Variants in PLA2G10 observed in about 807,000 individuals in gnomAD.
PLA2G10 encodes phospholipase A2 group X, also known as group 10 secretory phospholipase A2.
PLA2G10 carries 9 observed loss-of-function variants against 7.9 expected under a neutral mutation model. The observed-to-expected ratio is 1.14, with a 90% CI of 0.68 to 1.98. The LOEUF is 1.98. Among genes scored for constraint, PLA2G10 ranks in the 30% most tolerant of loss-of-function variants. The pLI is 0.00. For synonymous variants in PLA2G10, 19 were observed against 27.5 expected, an observed-to-expected ratio of 0.69 and a Z score of 0.97; for missense variants, 53 against 65.4, an observed-to-expected ratio of 0.81 and a Z score of 0.66.
At chr16:14,682,319 G>A (rs1420346243) in intron 3 of PLA2G10, among the ~76,000 whole-genome samples, 4 of 152,182 alleles carry the variant, frequency 2.6e-5, no homozygotes, top group Admixed American at 6.6e-5. Context: ...GCGGTGGCTC[G>A]TGCCTGTAAT....
At chr16:14,674,071 C>A (rs1271559411) in intron 3 of PLA2G10, among the ~76,000 whole-genome samples, 1 of 151,806 alleles carries the variant, frequency 6.6e-6, no homozygotes, top group Non-Finnish European at 1.5e-5. Context: ...TGCTATACAT[C>A]AATAAGGACT....
At chr16:14,693,309 CTGTGTGTGTGTGTGTGTGTG>C (rs1177221583) in intron 1 of PLA2G10, among the ~76,000 whole-genome samples, 1 of 24,250 alleles carries the variant, frequency 4.1e-5, no homozygotes, top group African/African-American at 1.4e-4. Context: ...CTGTGCTGCT[CTGTGTGTGTGTGTGTGTGTG>C]TGTGTGTGTG....
intron 3 of PLA2G10, among the ~76,000 whole-genome samples, chr16:14,674,896 G>A (rs765944192): frequency 2.2e-4 from 33 of 152,284 alleles, no homozygotes; most frequent in Non-Finnish European, 4.1e-4. Flanking sequence ...TCAAGGCCAG[G>A]CGTAGTGGCT....
At chr16:14,683,886 A>G (rs1047007450) in intron 3 of PLA2G10, among the ~76,000 whole-genome samples, 2 of 152,174 alleles carry the variant, frequency 1.3e-5, no homozygotes, top group Admixed American at 1.3e-4. Context: ...AACTTACATA[A>G]TGGGAGAAAA....
intron 3 of PLA2G10, among the ~76,000 whole-genome samples, chr16:14,678,386 C>T (rs1004005705): frequency 1.3e-5 from 2 of 152,204 alleles, no homozygotes; most frequent in African/African-American, 4.8e-5. Flanking sequence ...CTCTCCAAGA[C>T]CACTGCAACA....
At chr16:14,687,328 A>ATT (rs201336845) in intron 3 of PLA2G10, among the ~76,000 whole-genome samples, 29 of 136,328 alleles carry the variant, frequency 2.1e-4, no homozygotes, top group Admixed American at 3.0e-4. Context: ...GTTAGGTAAA[A>ATT]TTTTTTTTTT....
intron 3 of PLA2G10, among the ~76,000 whole-genome samples, chr16:14,675,368 T>G: frequency 6.6e-6 from 1 of 151,936 alleles, no homozygotes; most frequent in East Asian, 1.9e-4. Context: ...ACCATAAGAA[T>G]TCTAGAAGAA....
intron 3 of PLA2G10, among the ~76,000 whole-genome samples, chr16:14,681,205 G>A (rs1157576720): frequency 6.7e-6 from 1 of 149,482 alleles, no homozygotes; most frequent in Admixed American, 6.7e-5. Flanking sequence ...GGGGAGGGGG[G>A]AGAGAGAGAG....
rs539984658 is a variant in PLA2G10, at chr16:14,675,878, G to A, written c.356-3129C>T. Among the ~76,000 whole-genome samples, 3 of 147,200 alleles carry A rather than the reference G, an allele frequency of 2.0e-5. No homozygotes were observed. In the South Asian group the frequency reaches 6.4e-4, roughly 32 times the overall value. On this transcript the variant is annotated intron_variant, in intron 3 of 3. Coordinates refer to ENST00000438167, the MANE Select transcript of PLA2G10 (RefSeq NM_003561.3). ...CATTTGAACCCGGGAGGCAGAGGTTGCAGGGAGCTGAGGTTATGTCACTGC... is the reference window on the plus strand; with the variant it reads ...CATTTGAACCCGGGAGGCAGAGGTTACAGGGAGCTGAGGTTATGTCACTGC...
At chr16:14,674,230 C>G (rs1960666221) in intron 3 of PLA2G10, among the ~76,000 whole-genome samples, 1 of 151,974 alleles carries the variant, frequency 6.6e-6, no homozygotes, top group Non-Finnish European at 1.5e-5. Flanking sequence ...CGAAAGAAAT[C>G]ATAGATGACA....
chr16:14,685,565 G>A (rs1262305886), intron 3 of PLA2G10, among the ~76,000 whole-genome samples: 1 of 152,092 alleles, frequency 6.6e-6, no homozygotes. Flanking sequence ...TGCTTAAGGG[G>A]AAAGGGATTT....
chr16:14,680,258 G>A (rs1001617971), intron 3 of PLA2G10, among the ~76,000 whole-genome samples: 1 of 151,752 alleles, frequency 6.6e-6, no homozygotes, highest in Admixed American at 6.6e-5. Context: ...CTGCCACCAC[G>A]ACCGGCTAAT....
chr16:14,672,666 A>T lies in PLA2G10; in HGVS notation c.439T>A (p.Leu147Ile), dbSNP rs755321415. The T allele has an allele frequency of 1.2e-6, 2 of 1,614,072 alleles. No homozygotes were observed. Among genetic ancestry groups the T allele is most frequent in the Non-Finnish European group, 1.7e-6 (2 of 1,179,958 alleles). The change falls in exon 4 of 4, where the codon TTA (leucine) becomes ATA (isoleucine). Residue 147 changes from leucine (L) to isoleucine (I), a missense_variant. This residue lies in a region of PLA2G10 where 48 missense variants were observed against 47.0 expected (regional missense o/e 1.02). Transcript: ENST00000438167. ...ANCLAQTEYN[L>I]KYLFYPQFLC... The stretch of plus-strand genomic sequence containing the variant: ...AACTGGGGGTAGAAGAGGTACTTTA[A>T]GTTGTACTCAGTTTGGGCTAAGCAG...
At chr16:14,701,627 C>T in the PLA2G10 span, 6 of 9,638 alleles carry the variant, frequency 6.2e-4, no homozygotes, top group African/African-American at 1.4e-3. Flanking sequence ...TGGCTCATAC[C>T]TGTAATCTCT....
intron 3 of PLA2G10, among the ~76,000 whole-genome samples, chr16:14,685,766 C>T (rs1961039624): frequency 6.6e-6 from 1 of 152,012 alleles, no homozygotes; most frequent in African/African-American, 2.4e-5. Context: ...GCAGTCTCGG[C>T]TCACTGCAAC....
intron 3 of PLA2G10, among the ~76,000 whole-genome samples, chr16:14,674,415 C>T (rs557611836): frequency 6.6e-6 from 1 of 151,932 alleles, no homozygotes; most frequent in South Asian, 2.1e-4. Flanking sequence ...TAAAAAAGAG[C>T]CAAATAGGCT....
In PLA2G10 at chr16:14,676,258, T is replaced by C. The variant is rs1237083533; in HGVS notation, c.356-3509A>G. On this transcript the variant is annotated intron_variant, in intron 3 of 3. Transcript: ENST00000438167. ...CTATTCTTTCTAGCCATCCCACTACTAGGTATCTACCCAAAGGAAAATAAA... is the reference window on the plus strand; with the variant it reads ...CTATTCTTTCTAGCCATCCCACTACCAGGTATCTACCCAAAGGAAAATAAA... Among the ~76,000 whole-genome samples the C allele has an allele frequency of 2.0e-5, 3 of 152,220 alleles. No homozygotes were observed. In the East Asian group the frequency reaches 5.8e-4, roughly 29 times the overall value.
At chr16:14,686,056 A>C (rs1039114061) in intron 3 of PLA2G10, among the ~76,000 whole-genome samples, 1 of 141,754 alleles carries the variant, frequency 7.1e-6, no homozygotes, top group African/African-American at 2.6e-5. Context: ...GCAGTGGTGC[A>C]ATCTTGGCTC....
At chr16:14,685,989 CTTT>C (rs147554543) in intron 3 of PLA2G10, among the ~76,000 whole-genome samples, 4 of 106,766 alleles carry the variant, frequency 3.7e-5, no homozygotes, top group Admixed American at 1.2e-4. Context: ...TTTCTTTACT[CTTT>C]TTTTTTTTTT....
Sources: gnomAD v4.1 joint callset for allele counts (sites outside exome capture counted in the v4.1 genomes callset) on GRCh38, gnomAD v4.1.1 for gene constraint, gnomAD v4.1.1 regional missense constraint, MANE v1.5 for transcripts, NCBI Gene and HGNC (gene_info 2026-07-23, HGNC 2026-07-21) for gene names.